The following ADAD1 variants were observed in gnomAD, a reference collection of about 807,000 sequenced individuals.
ADAD1 encodes adenosine deaminase domain containing 1, also known as adenosine deaminase domain-containing protein 1.
Under a neutral mutation model 66.8 loss-of-function variants are expected in ADAD1, and 46 were observed. The observed-to-expected ratio is 0.69, with a 90% CI of 0.54 to 0.88. The LOEUF is 0.88. Among genes scored for constraint, ADAD1 ranks in the 40% least tolerant of loss-of-function variants. The pLI, the probability that ADAD1 is intolerant of heterozygous loss-of-function variation, is 0.00. For synonymous variants in ADAD1, 248 were observed against 229.4 expected (o/e 1.08, Z -0.73); for missense variants, 617 against 681.8 (o/e 0.91, Z 1.06).
In ADAD1 at chr4:122,421,284, C is replaced by T; in HGVS notation, c.1511C>T (p.Ser504Leu). The T allele has an allele frequency of 6.2e-7, 1 of 1,602,734 alleles. No individual in the cohort carries two copies. Among genetic ancestry groups the T allele is most frequent in the Middle Eastern group, 1.7e-4 (1 of 5,998 alleles). The stretch of plus-strand genomic sequence containing the variant: ...AGTTCCCCATTTAAAAGTGGTATGT[C>T]AATGGCAAGTCGGCTTTGTAAGGCT... ...TESSPFKSGM[S>L]MASRLCKAAM... is the part of the protein sequence containing the mutation. Residue 504 changes from serine (S) to leucine (L), a missense_variant, in exon 12 of 13, where the codon TCA becomes TTA. Physicochemically the swap from Ser to Leu is moderately radical, Grantham distance 145 (BLOSUM62 -2). Coordinates refer to ENST00000296513, the MANE Select transcript of ADAD1 (RefSeq NM_139243.4).
In ADAD1 at chr4:122,420,297, T is replaced by G. The variant is rs192071887; in HGVS notation, c.1488-964T>G. Among the ~76,000 whole-genome samples the G allele has an allele frequency of 1.1e-3, 160 of 152,306 alleles. 2 individuals carry two copies. The East Asian group carries it at 0.012, about 11-fold the overall frequency. On this transcript the variant is annotated intron_variant, in intron 11 of 12. Transcript: ENST00000296513. ...GGAAGTTCTTGAGTCAGCTGAATGG[T>G]TTTTCTGGATTTTCTTGGGCTTTCC...
At chr4:122,397,621 T>A (rs1203198262) in intron 7 of ADAD1, among the ~76,000 whole-genome samples, 1 of 152,184 alleles carries the variant, frequency 6.6e-6, no homozygotes, top group East Asian at 1.9e-4. Flanking sequence ...GGAATCACAA[T>A]TTATGTGGTT....
At chr4:122,428,531 T>C (rs1797360655) in intron 12 of ADAD1, among the ~76,000 whole-genome samples, 1 of 152,192 alleles carries the variant, frequency 6.6e-6, no homozygotes, top group Non-Finnish European at 1.5e-5. Flanking sequence ...AAACAAAATG[T>C]GTTATACCCC....
chr4:122,404,325 G>A (rs1796111641), intron 7 of ADAD1, among the ~76,000 whole-genome samples: 1 of 152,138 alleles, frequency 6.6e-6, no homozygotes, highest in Non-Finnish European at 1.5e-5. Flanking sequence ...ATAAAGCCAG[G>A]GATGACTTCC....
intron 10 of ADAD1, 54 bp downstream of exon 10, chr4:122,412,863 G>C (rs1399310739): frequency 9.8e-6 from 14 of 1,430,478 alleles, no homozygotes; most frequent in Non-Finnish European, 1.4e-5. Context: ...CAAATTCTCT[G>C]TATTTTACTT....
At chr4:122,408,942 A>C (rs1796350547) in intron 8 of ADAD1, among the ~76,000 whole-genome samples, 1 of 152,014 alleles carries the variant, frequency 6.6e-6, no homozygotes, top group African/African-American at 2.4e-5. Context: ...CTTTTTTATG[A>C]CTAAAGTTAC....
Position 122,381,120 on chromosome 4 carries a change from T to C in ADAD1, c.301T>C (p.Leu101=). ...KRGEINPVSA[L]HQFAQMQRVQ... ...TGGAGAGATAAATCCTGTGTCAGCC[T>C]TGCACCAGTTTGCACAAATGCAGCG... The change falls in exon 4 of 13, where the codon TTG becomes CTG. Residue 101 remains leucine (L), a synonymous_variant. Transcript: ENST00000296513. The C allele has an allele frequency of 1.9e-6, 3 of 1,596,874 alleles. No individual in the cohort carries two copies. The highest frequency in any genetic ancestry group is 2.5e-6 in the Non-Finnish European group (3 of 1,176,478).
chr4:122,396,216 A>G, intron 6 of ADAD1, 36 bp from the exon 7 acceptor site: 1 of 1,534,300 alleles, frequency 6.5e-7, no homozygotes, highest in Non-Finnish European at 8.7e-7. Flanking sequence ...GGAGGAGCAC[A>G]ATGTTCTTGA....
At chr4:122,399,345 G>A (rs1795863482) in intron 7 of ADAD1, among the ~76,000 whole-genome samples, 1 of 151,844 alleles carries the variant, frequency 6.6e-6, no homozygotes, top group Admixed American at 6.6e-5. Context: ...TGCGTGCCTA[G>A]TTGTATACCA....
In ADAD1 at chr4:122,412,666, CTG is replaced by C; in HGVS notation, c.1108_1109del (p.Val370LeufsTer4). 6.2e-7 allele frequency: 1 copy of C among 1,613,896 alleles called. No homozygotes were observed. Among genetic ancestry groups the C allele is most frequent in the African/African-American group, 1.3e-5 (1 of 75,018 alleles). On this transcript the variant is annotated frameshift_variant, in exon 10 of 13. Coordinates refer to ENST00000296513, the MANE Select transcript of ADAD1 (RefSeq NM_139243.4). LOFTEE classifies it high-confidence loss of function. ...GCTGTTGAAGGCAAAATTTATCTGACTGTTTACTGTCCTAAAGATGGTGTTAA... is the reference window on the plus strand; with the variant it reads ...GCTGTTGAAGGCAAAATTTATCTGACTTTACTGTCCTAAAGATGGTGTTAA...
intron 9 of ADAD1, 101 bp from the exon 10 acceptor site, chr4:122,412,479 C>G: frequency 1.1e-6 from 1 of 932,858 alleles, no homozygotes; most frequent in Non-Finnish European, 1.6e-6. Context: ...TAAATGTACA[C>G]TGGGAAGTTA....
chr4:122,383,542 A>T (rs1429683762), intron 4 of ADAD1, among the ~76,000 whole-genome samples: 1 of 152,138 alleles, frequency 6.6e-6, no homozygotes, highest in Non-Finnish European at 1.5e-5. Flanking sequence ...TCCACGTGTG[A>T]TCAGTACTCT....
At chr4:122,403,594 G>T (rs1796073202) in intron 7 of ADAD1, among the ~76,000 whole-genome samples, 1 of 152,250 alleles carries the variant, frequency 6.6e-6, no homozygotes, top group South Asian at 2.1e-4. Flanking sequence ...GTTACGAGTT[G>T]CTGTAATGGC....
At chr4:122,391,797 T>C (rs1795462745) in intron 5 of ADAD1, among the ~76,000 whole-genome samples, 2 of 152,200 alleles carry the variant, frequency 1.3e-5, no homozygotes, top group Admixed American at 1.3e-4. Context: ...GCAACCTTTG[T>C]CTTCCAGGTT....
At position 122,380,094 on chromosome 4, in the gene ADAD1, C is replaced by G. The variant is rs777715886; in HGVS notation, c.25C>G (p.Gln9Glu). The change falls in exon 3 of 13, where the codon CAG becomes GAG. Residue 9 changes from glutamine to glutamate, a missense_variant. Gln to Glu is a conservative substitution (Grantham distance 29). Coordinates refer to ENST00000296513, the MANE Select transcript of ADAD1 (RefSeq NM_139243.4). ...AATGGCTAGCAACAATCATTGGTTT[C>G]AGAGTTCGCAGGTCCCCAGCTTTGC... is the stretch of plus-strand genomic sequence containing the variant. MASNNHWF[Q>E]SSQVPSFAQM... is the part of the protein sequence containing the mutation. 1 of 1,613,052 alleles carries G rather than the reference C, an allele frequency of 6.2e-7. No individual in the cohort carries two copies. The highest frequency in any genetic ancestry group is 1.7e-5 in the Admixed American group (1 of 59,748).
intron 5 of ADAD1, among the ~76,000 whole-genome samples, chr4:122,390,747 A>C (rs544877677): frequency 1.3e-5 from 2 of 152,092 alleles, no homozygotes; most frequent in African/African-American, 4.8e-5. Flanking sequence ...CTAGTTAGCA[A>C]TTCCTCTATC....
At chr4:122,396,794 AC>A (rs1172668250) in intron 7 of ADAD1, among the ~76,000 whole-genome samples, 37 of 152,340 alleles carry the variant, frequency 2.4e-4, no homozygotes, top group African/African-American at 8.9e-4. Flanking sequence ...ATTAATTAAA[AC>A]CATTTGAGTC....
chr4:122,425,029 G>A (rs541926722), intron 12 of ADAD1, among the ~76,000 whole-genome samples: 1 of 152,168 alleles, frequency 6.6e-6, no homozygotes, highest in South Asian at 2.1e-4. Context: ...GTGTATGTGG[G>A]TGTAACAACA....
intron 7 of ADAD1, among the ~76,000 whole-genome samples, chr4:122,402,481 A>G (rs1055333754): frequency 6.6e-6 from 1 of 151,984 alleles, no homozygotes; most frequent in Admixed American, 6.6e-5. Context: ...CTGGGTGATG[A>G]TCTTTTTGTG....
Sources: allele counts gnomAD v4.1 joint callset (sites outside exome capture counted in the v4.1 genomes callset), GRCh38; gene constraint gnomAD v4.1.1; transcripts MANE v1.5; gene names NCBI Gene and HGNC (gene_info 2026-07-23, HGNC 2026-07-21).